The following ZMYND8 variants were observed in gnomAD, a reference collection of about 807,000 sequenced individuals.
The protein encoded by ZMYND8 is MYND-type zinc finger-containing chromatin reader ZMYND8.
ZMYND8 carries 37 observed loss-of-function variants against 140.8 expected under a neutral mutation model. That is an observed-to-expected ratio of 0.26 (90% CI 0.20 to 0.35). The LOEUF is 0.35. ZMYND8 is among the 10% of genes least tolerant of loss of function. The pLI is 1.00. For missense variants in ZMYND8, 1,068 were observed against 1,570.0 expected, an observed-to-expected ratio of 0.68 and a Z score of 5.40; for synonymous variants, 592 against 597.1, an observed-to-expected ratio of 0.99 and a Z score of 0.12.
At chr20:47,257,026 C>T (rs1197486135) in intron 12 of ZMYND8, among the ~76,000 whole-genome samples, 5 of 152,058 alleles carry the variant, frequency 3.3e-5, no homozygotes, top group Admixed American at 1.3e-4. Context: ...AGAAAAGGAC[C>T]GGGCCCACCT....
In ZMYND8 at chr20:47,246,235, T is replaced by C. The variant is rs2040546547; in HGVS notation, c.2057A>G (p.Lys686Arg). ...EKADPGAVKD[K>R]ASPEPEKDFS... is the part of the protein sequence containing the mutation. ...GTCCTTCTCAGGCTCAGGGCTGGCC[T>C]TGTCCTTGACTGCTCCAGGGTCTGC... Residue 686 changes from lysine (K) to arginine (R), a missense_variant, in exon 14 of 23, where the codon AAG becomes AGG. By Grantham distance (26) the Lys-to-Arg change is conservative. Coordinates refer to ENST00000471951, the MANE Select transcript of ZMYND8 (RefSeq NM_001281775.3). 6.2e-7 allele frequency: 1 copy of C among 1,614,088 alleles called. No individual in the cohort carries two copies. The highest frequency in any genetic ancestry group is 8.5e-7 in the Non-Finnish European group (1 of 1,180,040).
At chr20:47,262,159 T>A in intron 12 of ZMYND8, 129 bp downstream of exon 12, 1 of 1,335,028 alleles carries the variant, frequency 7.5e-7, no homozygotes, top group Non-Finnish European at 1.0e-6. Flanking sequence ...CTTCATCCTC[T>A]GAAACTTTTG....
Position 47,279,461 on chromosome 20 carries a change from G to A in ZMYND8, c.998+2641C>T, listed in dbSNP as rs1403094599. The stretch of plus-strand genomic sequence containing the variant: ...TCAAATAAATAAATAAATAAAACAA[G>A]CCTGGGTGACAGAGCAAGACCCCCC... On this transcript the variant is annotated intron_variant, in intron 10 of 22. Transcript: ENST00000471951. Among the ~76,000 whole-genome samples the A allele has an allele frequency of 4.3e-4, 65 of 151,608 alleles. 3 individuals carry two copies. The highest frequency in any genetic ancestry group is 4.3e-3 in the Admixed American group (65 of 15,190).
intron 4 of ZMYND8, among the ~76,000 whole-genome samples, chr20:47,296,773 T>C (rs995005515): frequency 2.6e-5 from 4 of 152,006 alleles, no homozygotes; most frequent in African/African-American, 4.8e-5. Flanking sequence ...CTAGGTAACA[T>C]AGCAAGACCC....
intron 11 of ZMYND8, among the ~76,000 whole-genome samples, chr20:47,269,908 T>A (rs566991520): frequency 6.6e-6 from 1 of 152,370 alleles, no homozygotes; most frequent in Admixed American, 6.5e-5. Context: ...GTAAAAATGC[T>A]GTTTTGAAGG....
chr20:47,249,121 G>A (rs1311926955), intron 13 of ZMYND8, among the ~76,000 whole-genome samples, 166 bp downstream of exon 13: 1 of 152,194 alleles, frequency 6.6e-6, no homozygotes, highest in Non-Finnish European at 1.5e-5. Flanking sequence ...CAAGTCTGAA[G>A]TCTTTTGCCA....
Position 47,291,877 on chromosome 20 carries a change from G to A in ZMYND8, c.579C>T (p.Phe193=). The A allele has an allele frequency of 6.2e-7, 1 of 1,612,334 alleles. No individual in the cohort carries two copies. ...QKMKQPGTDA[F]QKPVPLEQHP... is the part of the protein sequence containing the mutation. ...GCTGTTCCAATGGAACGGGCTTCTG[G>A]AATGCATCTGTCTATAAAAGAGAAG... Residue 193 remains phenylalanine (F), a synonymous_variant, in exon 6 of 23, where the codon TTC becomes TTT. Coordinates refer to ENST00000471951, the MANE Select transcript of ZMYND8 (RefSeq NM_001281775.3).
In ZMYND8 at chr20:47,318,614, T is replaced by A. The variant is rs1456604265; in HGVS notation, c.86-8410A>T. 9.9e-6 allele frequency: 4 copies of A among 403,654 alleles called. No homozygotes were observed. The East Asian group carries it at 2.9e-4, about 29-fold the overall frequency. 25.0% of individuals were successfully genotyped at this position (403,654 alleles called of 1,614,324 possible). A position where few individuals can be genotyped will look rare whatever the true frequency, so the allele number is the denominator to read the frequency against. On this transcript the variant is annotated intron_variant, in intron 2 of 22. Coordinates refer to ENST00000471951, the MANE Select transcript of ZMYND8 (RefSeq NM_001281775.3). ...AACTTGTAAATGAAAACCGCTCGCA[T>A]TAGCAAATGATTATTTCCTCCAACG...
At chr20:47,290,320 G>A (rs1308854488) in intron 6 of ZMYND8, 46 bp from the exon 7 acceptor site, 1 of 1,553,462 alleles carries the variant, frequency 6.4e-7, no homozygotes, top group Non-Finnish European at 8.8e-7. Flanking sequence ...GTCTAGACAA[G>A]CCACAGTCAG....
chr20:47,262,371 G>A lies in ZMYND8; in HGVS notation c.1538C>T (p.Pro513Leu). 6.2e-7 allele frequency: 1 copy of A among 1,613,980 alleles called. No homozygotes were observed. Among genetic ancestry groups the A allele is most frequent in the East Asian group, 2.2e-5 (1 of 44,860 alleles). ...AGGAGCTGACAGTTGAGGAGAGAAG[G>A]GCTTTGGGCTGCCGGATAAACTCCC... ...QAGSLSGSPK[P>L]FSPQLSAPIT... The change falls in exon 12 of 23, where the codon CCC becomes CTC. Residue 513 changes from proline to leucine, a missense_variant. Transcript: ENST00000471951.
chr20:47,238,470 T>C, intron 15 of ZMYND8: 1 of 499,010 alleles, frequency 2.0e-6, no homozygotes, highest in South Asian at 2.2e-5. Flanking sequence ...AAATGGAAGG[T>C]AAACGGGATA....
intron 2 of ZMYND8, among the ~76,000 whole-genome samples, chr20:47,312,572 G>A (rs994467873): frequency 2.0e-5 from 3 of 152,124 alleles, no homozygotes; most frequent in Non-Finnish European, 4.4e-5. Flanking sequence ...GAAAACTCAC[G>A]AAAGAGACAA....
intron 3 of ZMYND8, among the ~76,000 whole-genome samples, chr20:47,301,824 T>C (rs141426097): frequency 2.8e-4 from 42 of 152,314 alleles, no homozygotes; most frequent in Non-Finnish European, 4.9e-4. Flanking sequence ...AAATCTCATC[T>C]TGAATTGTAA....
intron 12 of ZMYND8, among the ~76,000 whole-genome samples, 166 bp from the exon 13 acceptor site, chr20:47,249,605 G>A (rs925483004): frequency 2.0e-5 from 3 of 152,294 alleles, no homozygotes; most frequent in South Asian, 4.2e-4. Flanking sequence ...ACCAAATGGG[G>A]TGACATGAAG....
At chr20:47,252,643 C>T (rs1334392943) in intron 12 of ZMYND8, among the ~76,000 whole-genome samples, 1 of 152,112 alleles carries the variant, frequency 6.6e-6, no homozygotes, top group Non-Finnish European at 1.5e-5. Context: ...TGGAGAGGAC[C>T]GGGAACAGTG....
intron 2 of ZMYND8, among the ~76,000 whole-genome samples, chr20:47,339,684 G>T (rs2081677544): frequency 6.6e-6 from 1 of 152,008 alleles, no homozygotes; most frequent in Non-Finnish European, 1.5e-5. Flanking sequence ...CACCATGTTA[G>T]CCAGGATGGT....
intron 16 of ZMYND8, among the ~76,000 whole-genome samples, chr20:47,230,061 A>T (rs2038249596): frequency 6.6e-6 from 1 of 152,092 alleles, no homozygotes; most frequent in African/African-American, 2.4e-5. Flanking sequence ...GCACGGAAGG[A>T]CCCCACACAA....
In ZMYND8 at chr20:47,307,715, C is replaced by A. The variant is rs957991810; in HGVS notation, c.234+2341G>T. Among the ~76,000 whole-genome samples the A allele has an allele frequency of 5.3e-5, 8 of 152,096 alleles. No homozygotes were observed. The South Asian group carries it at 1.7e-3, about 32-fold the overall frequency. On this transcript the variant is annotated intron_variant, in intron 3 of 22. Transcript: ENST00000471951. ...TGGTGGCAGGCGCCTGTAATTCCAG[C>A]TACGTGGAGGCTGAGACACAAGAAT...
At chr20:47,221,289 G>T in intron 20 of ZMYND8, 25 bp downstream of exon 20, 1 of 1,612,818 alleles carries the variant, frequency 6.2e-7, no homozygotes. Context: ...GATGTCACTA[G>T]CCAAAGGCAT....
Sources: gnomAD v4.1 joint callset for allele counts (sites outside exome capture counted in the v4.1 genomes callset) on GRCh38, gnomAD v4.1.1 for gene constraint, MANE v1.5 for transcripts, NCBI Gene and HGNC (gene_info 2026-07-23, HGNC 2026-07-21) for gene names.